The following RBPMS variants were observed in gnomAD, a reference collection of about 807,000 sequenced individuals.
RBPMS encodes the protein RNA-binding protein with multiple splicing.
Under a neutral mutation model 26.8 loss-of-function variants are expected in RBPMS, and 7 were observed. The ratio of observed to expected loss-of-function variants is 0.26; its 90% CI spans 0.15 to 0.49. The LOEUF (loss-of-function observed/expected upper bound fraction) is 0.49. Ranked by LOEUF, RBPMS falls within the 20% of genes least tolerant of loss-of-function variation. RBPMS has a pLI of 0.98. For missense variants in RBPMS, 186 were observed against 250.0 expected, an observed-to-expected ratio of 0.74 and a Z score of 1.73; for synonymous variants, 96 against 93.3, an observed-to-expected ratio of 1.03 and a Z score of -0.17.
chr8:30,431,329 C>CCTTT (rs989956762), intron 1 of RBPMS, among the ~76,000 whole-genome samples: 1 of 148,670 alleles, frequency 6.7e-6, no homozygotes, highest in South Asian at 2.1e-4. Flanking sequence ...CTTTCTTTCT[C>CCTTT]CTTTCTTTCT....
intron 5 of RBPMS, among the ~76,000 whole-genome samples, chr8:30,509,598 G>A (rs904635073): frequency 1.3e-5 from 2 of 152,168 alleles, no homozygotes; most frequent in Non-Finnish European, 1.5e-5. Flanking sequence ...GTATCCCATG[G>A]TACAGAGCCC....
chr8:30,451,623 G>A (rs1455651184), intron 1 of RBPMS, among the ~76,000 whole-genome samples: 1 of 152,110 alleles, frequency 6.6e-6, no homozygotes, highest in Non-Finnish European at 1.5e-5. Flanking sequence ...TCTTTCTCAG[G>A]GAAACTGCCA....
chr8:30,540,698 G>T (rs1304946588), intron 5 of RBPMS, among the ~76,000 whole-genome samples: 2 of 152,130 alleles, frequency 1.3e-5, no homozygotes, highest in Non-Finnish European at 2.9e-5. Context: ...CAGAGCACTG[G>T]GATCACAGGT....
At chr8:30,415,325 A>C (rs1809935840) in intron 1 of RBPMS, among the ~76,000 whole-genome samples, 1 of 152,170 alleles carries the variant, frequency 6.6e-6, no homozygotes, top group Non-Finnish European at 1.5e-5. Context: ...CAGCCATTTC[A>C]GCCTTAAGCC....
rs1251987468 is a variant in RBPMS at position 30,385,072 on chromosome 8, C to A, written c.-21C>A. ...CCCCGCGCCCCAGCCCTGCCCGGCC[C>A]GGCGAGGAAGGACCGGGAAGATGAA... On this transcript the variant is annotated 5_prime_UTR_variant, in exon 1 of 9. Transcript: ENST00000397323. The A allele has an allele frequency of 2.0e-6, 3 of 1,502,508 alleles. No individual in the cohort carries two copies. Among genetic ancestry groups the A allele is most frequent in the African/African-American group, 1.4e-5 (1 of 69,004 alleles). 93.1% of individuals were successfully genotyped at this position (1,502,508 alleles called of 1,614,324 possible). A position where few individuals can be genotyped will look rare whatever the true frequency, so the allele number is the denominator to read the frequency against.
intron 6 of RBPMS, 63 bp downstream of exon 6, chr8:30,544,687 C>G (rs1330590669): frequency 4.4e-6 from 7 of 1,607,686 alleles, no homozygotes; most frequent in Non-Finnish European, 5.9e-6. Flanking sequence ...AAACTTGGTT[C>G]CCGAGAGCAC....
chr8:30,434,248 G>A (rs1345315256), intron 1 of RBPMS, among the ~76,000 whole-genome samples: 1 of 152,142 alleles, frequency 6.6e-6, no homozygotes, highest in Non-Finnish European at 1.5e-5. Flanking sequence ...CTGAAATTCT[G>A]TGGTTGATAT....
chr8:30,409,041 G>C (rs1808982099), intron 1 of RBPMS, among the ~76,000 whole-genome samples: 1 of 152,114 alleles, frequency 6.6e-6, no homozygotes, highest in South Asian at 2.1e-4. Context: ...CCCATTGTTT[G>C]AATGATACCG....
chr8:30,477,938 G>A (rs1817870390), intron 3 of RBPMS, 101 bp downstream of exon 3: 2 of 809,210 alleles, frequency 2.5e-6, no homozygotes, highest in Non-Finnish European at 4.1e-6. Context: ...GAATTTGAGG[G>A]GTTTTTTGTC....
chr8:30,485,447 G>A (rs2150866793), intron 4 of RBPMS, among the ~76,000 whole-genome samples: 1 of 152,290 alleles, frequency 6.6e-6, no homozygotes, highest in East Asian at 1.9e-4. Context: ...GGGACTTTTA[G>A]ATGGGAAATA....
rs181279039 is a variant in RBPMS, at chr8:30,459,047, G to A, written c.67-15732G>A. Among the ~76,000 whole-genome samples, 30 of 147,288 alleles carry A rather than the reference G, an allele frequency of 2.0e-4. No homozygotes were observed. In the East Asian group the frequency reaches 5.1e-3, roughly 25 times the overall value. On this transcript the variant is annotated intron_variant, in intron 1 of 8. Coordinates refer to ENST00000397323, the MANE Select transcript of RBPMS (RefSeq NM_001008710.3). ...GGCACGATCTCCGCTCACTGCAACC[G>A]CCACCTCCTGGGTTCAAGCGATTCT... is the stretch of plus-strand genomic sequence containing the variant.
chr8:30,550,938 C>T (rs917428284), intron 6 of RBPMS, among the ~76,000 whole-genome samples: 2 of 152,222 alleles, frequency 1.3e-5, no homozygotes, highest in South Asian at 2.1e-4. Context: ...ACTTTCCTAT[C>T]GGAGAAACTG....
intron 1 of RBPMS, among the ~76,000 whole-genome samples, chr8:30,392,765 G>A (rs545442536): frequency 8.5e-5 from 13 of 152,214 alleles, no homozygotes; most frequent in South Asian, 2.1e-4. Context: ...TTTCTCCTTC[G>A]GGTGGCTAGC....
At chr8:30,393,969 T>A (rs1164867611) in intron 1 of RBPMS, among the ~76,000 whole-genome samples, 1 of 108,550 alleles carries the variant, frequency 9.2e-6, no homozygotes, top group Admixed American at 1.1e-4. Context: ...CCTATTATGG[T>A]GACGGTGCAT....
At chr8:30,569,448 A>T (rs1402512064) in intron 8 of RBPMS, among the ~76,000 whole-genome samples, 4 of 152,212 alleles carry the variant, frequency 2.6e-5, no homozygotes, top group Non-Finnish European at 5.9e-5. Flanking sequence ...GAGTTCTGAA[A>T]GACAGTGTGG....
chr8:30,557,589 C>T (rs1223529709), intron 6 of RBPMS, among the ~76,000 whole-genome samples: 1 of 152,202 alleles, frequency 6.6e-6, no homozygotes, highest in Non-Finnish European at 1.5e-5. Flanking sequence ...CCATTTCAGC[C>T]AGAATGGCTC....
intron 1 of RBPMS, among the ~76,000 whole-genome samples, chr8:30,453,273 C>A (rs751090818): frequency 6.6e-6 from 1 of 152,082 alleles, no homozygotes; most frequent in Non-Finnish European, 1.5e-5. Flanking sequence ...ACAGCTAGTT[C>A]GAAATGCAGA....
intron 1 of RBPMS, among the ~76,000 whole-genome samples, chr8:30,423,222 T>A (rs1810993533): frequency 6.6e-6 from 1 of 152,228 alleles, no homozygotes; most frequent in African/African-American, 2.4e-5. Flanking sequence ...AGGGCTCTTT[T>A]TATTCTTTCT....
intron 1 of RBPMS, among the ~76,000 whole-genome samples, chr8:30,449,238 G>A (rs1315192361): frequency 6.6e-6 from 1 of 152,112 alleles, no homozygotes; most frequent in Non-Finnish European, 1.5e-5. Context: ...TGTTGTTTTT[G>A]TTTAAGTAGT....
Sources: allele counts gnomAD v4.1 joint callset (sites outside exome capture counted in the v4.1 genomes callset), GRCh38; gene constraint gnomAD v4.1.1; transcripts MANE v1.5; gene names NCBI Gene and HGNC (gene_info 2026-07-23, HGNC 2026-07-21).